Variants in SLC22A24 observed in about 807,000 individuals in gnomAD.
The protein encoded by SLC22A24 is solute carrier family 22 member 24.
A neutral mutation model predicts 49.8 loss-of-function variants in SLC22A24; 53 were observed. The observed-to-expected ratio is 1.06, with a 90% CI of 0.85 to 1.34. SLC22A24 has a LOEUF of 1.34. SLC22A24 is among the 40% of genes most tolerant of loss of function. The probability of loss-of-function intolerance (pLI) is 0.00; values close to 1 mark genes in which losing one functional copy is unlikely to be tolerated. For missense variants in SLC22A24, 786 were observed against 675.9 expected, an observed-to-expected ratio of 1.16 and a Z score of -1.81; for synonymous variants, 302 against 256.4, an observed-to-expected ratio of 1.18 and a Z score of -1.70.
intron 4 of SLC22A24, among the ~76,000 whole-genome samples, chr11:63,106,871 T>G (rs1341571474): frequency 2.6e-5 from 4 of 152,114 alleles, no homozygotes; most frequent in South Asian, 2.1e-4. Flanking sequence ...TTCTCCGATT[T>G]TTTAGGTTGC....
intron 5 of SLC22A24, among the ~76,000 whole-genome samples, chr11:63,100,852 G>A (rs1460187855): frequency 1.3e-5 from 2 of 152,096 alleles, no homozygotes; most frequent in African/African-American, 4.8e-5. Context: ...ATATCCATTT[G>A]CAGGAGAATG....
chr11:63,101,028 A>G (rs1036879777), intron 5 of SLC22A24, among the ~76,000 whole-genome samples: 4 of 152,140 alleles, frequency 2.6e-5, no homozygotes, highest in African/African-American at 9.6e-5. Context: ...GCACAGGCAG[A>G]CAAAGTAAAA....
At chr11:63,087,284 G>A (rs2086993269) in intron 6 of SLC22A24, among the ~76,000 whole-genome samples, 1 of 152,084 alleles carries the variant, frequency 6.6e-6, no homozygotes, top group Admixed American at 6.5e-5. Flanking sequence ...ACCCACAGAG[G>A]GCAGGCAGAA....
chr11:63,125,658 T>A (rs1305975017), intron 2 of SLC22A24, among the ~76,000 whole-genome samples: 7 of 152,218 alleles, frequency 4.6e-5, no homozygotes, highest in Non-Finnish European at 1.0e-4. Flanking sequence ...TTTATAATCC[T>A]TTGGGTATAT....
chr11:63,120,481 A>G (rs1468464059), intron 2 of SLC22A24, among the ~76,000 whole-genome samples: 1 of 152,170 alleles, frequency 6.6e-6, no homozygotes, highest in Non-Finnish European at 1.5e-5. Context: ...AAAGAAAAAG[A>G]AAACAGTTCA....
intron 4 of SLC22A24, among the ~76,000 whole-genome samples, chr11:63,109,679 C>G (rs897999779): frequency 2.2e-4 from 34 of 152,078 alleles, no homozygotes; most frequent in Non-Finnish European, 4.9e-4. Context: ...CCTTTGCCCA[C>G]TTTTTGATGG....
Position 63,083,278 on chromosome 11 carries a change from C to T in SLC22A24, c.1250G>A (p.Gly417Glu). 1 of 1,560,546 alleles carries T rather than the reference C, an allele frequency of 6.4e-7. No individual in the cohort carries two copies. The highest frequency in any genetic ancestry group is 8.7e-7 in the Non-Finnish European group (1 of 1,151,238). ...AAAGGTGTTGACCAGAATGAAAAGT[C>T]CCACCGGGAACGTGAACAATATCTG... is the stretch of plus-strand genomic sequence containing the variant. ...ISQILFTFPV[G>E]LFILVNTFLP... Residue 417 changes from glycine (G) to glutamate (E), a missense_variant, in exon 7 of 10, where the codon GGA becomes GAA. Transcript: ENST00000612278.
chr11:63,106,503 A>G (rs377202259), intron 4 of SLC22A24, among the ~76,000 whole-genome samples: 12 of 152,162 alleles, frequency 7.9e-5, no homozygotes, highest in Non-Finnish European at 1.6e-4. Context: ...CTGAGGAATC[A>G]CCACACTGAC....
chr11:63,122,668 C>A (rs1466857782), intron 2 of SLC22A24, among the ~76,000 whole-genome samples: 1 of 152,068 alleles, frequency 6.6e-6, no homozygotes, highest in Non-Finnish European at 1.5e-5. Flanking sequence ...GCACCCATCA[C>A]CATGCCCAGC....
chr11:63,109,856 A>G (rs998760552), intron 4 of SLC22A24, among the ~76,000 whole-genome samples: 1 of 150,912 alleles, frequency 6.6e-6, no homozygotes, highest in South Asian at 2.1e-4. Context: ...GTTTAATTAG[A>G]TCCCATTTGT....
chr11:63,087,320 G>C (rs181017123), intron 6 of SLC22A24, among the ~76,000 whole-genome samples: 12 of 152,282 alleles, frequency 7.9e-5, no homozygotes, highest in African/African-American at 2.9e-4. Context: ...AGCTCACCCG[G>C]GAAGTGCAAG....
At chr11:63,084,406 G>A (rs1281143536) in intron 6 of SLC22A24, among the ~76,000 whole-genome samples, 1 of 152,142 alleles carries the variant, frequency 6.6e-6, no homozygotes, top group East Asian at 1.9e-4. Context: ...ATCCCTCTGT[G>A]GAAAGAGGAA....
At chr11:63,099,371 A>ATTTTTTTTTTT (rs56708217) in intron 5 of SLC22A24, among the ~76,000 whole-genome samples, 918 of 52,364 alleles carry the variant, frequency 0.018, 130 homozygotes, top group African/African-American at 0.029. Context: ...AATTTTTAAG[A>ATTTTTTTTTTT]TTTTTTTTTT....
chr11:63,089,380 G>T (rs1386455014), intron 6 of SLC22A24, among the ~76,000 whole-genome samples: 1 of 152,166 alleles, frequency 6.6e-6, no homozygotes, highest in Non-Finnish European at 1.5e-5. Flanking sequence ...AAGGGATTTT[G>T]TCACCACCAG....
chr11:63,081,401 G>C (rs2086959237), intron 8 of SLC22A24, among the ~76,000 whole-genome samples, 157 bp downstream of exon 8: 1 of 152,152 alleles, frequency 6.6e-6, no homozygotes, highest in Admixed American at 6.5e-5. Flanking sequence ...TTGATAATTT[G>C]ATAATAATAG....
At chr11:63,101,466 A>G (rs66649242) in intron 5 of SLC22A24, among the ~76,000 whole-genome samples, 18,038 of 152,062 alleles carry the variant, frequency 0.12, 1,189 homozygotes, top group Middle Eastern at 0.16. Context: ...GCTGATATTC[A>G]ATTATTAATA....
chr11:63,124,412 C>T (rs10897369), intron 2 of SLC22A24, among the ~76,000 whole-genome samples: 121,011 of 152,082 alleles, frequency 0.8, 49,221 homozygotes, highest in East Asian at 0.9. Flanking sequence ...CACTAGCAGA[C>T]GGTTCTTTTT....
At chr11:63,126,662 G>A (rs903365602) in intron 2 of SLC22A24, among the ~76,000 whole-genome samples, 1 of 152,180 alleles carries the variant, frequency 6.6e-6, no homozygotes, top group Non-Finnish European at 1.5e-5. Context: ...GGTTCCATAT[G>A]AAGTTTAAAG....
chr11:63,139,828 T>C (rs1044685393), intron 1 of SLC22A24, among the ~76,000 whole-genome samples: 5 of 152,184 alleles, frequency 3.3e-5, no homozygotes, highest in African/African-American at 9.6e-5. Context: ...CCAAGGGCTC[T>C]ACCTGGAAGC....
Sources: gnomAD v4.1 joint callset for allele counts (sites outside exome capture counted in the v4.1 genomes callset) on GRCh38, gnomAD v4.1.1 for gene constraint, MANE v1.5 for transcripts, NCBI Gene and HGNC (gene_info 2026-07-23, HGNC 2026-07-21) for gene names.